Variants in TBC1D4 observed in about 807,000 individuals in gnomAD.
TBC1D4 encodes the protein TBC1 domain family member 4.
A neutral mutation model predicts 142.5 loss-of-function variants in TBC1D4; 121 were observed. The ratio of observed to expected loss-of-function variants is 0.85; its 90% CI spans 0.73 to 0.99. The LOEUF is 0.99. TBC1D4 is among the 50% of genes least tolerant of loss of function. The pLI, the probability that TBC1D4 is intolerant of heterozygous loss-of-function variation, is 0.00. For missense variants in TBC1D4, 1,475 were observed against 1,606.6 expected (o/e 0.92, Z 1.40); for synonymous variants, 630 against 628.2 (o/e 1.00, Z -0.04).
chr13:75,298,648 G>T (rs1246058105), intron 17 of TBC1D4, among the ~76,000 whole-genome samples: 1 of 152,190 alleles, frequency 6.6e-6, no homozygotes, highest in Admixed American at 6.5e-5. Flanking sequence ...AGCTACTGGG[G>T]AGGCTGAGGC....
At chr13:75,415,403 T>C (rs527775546) in intron 1 of TBC1D4, among the ~76,000 whole-genome samples, 8 of 152,190 alleles carry the variant, frequency 5.3e-5, no homozygotes, top group African/African-American at 1.9e-4. Flanking sequence ...GATGAGTAAG[T>C]CGAATACAAA....
chr13:75,290,025 G>T (rs1377746608), intron 19 of TBC1D4, among the ~76,000 whole-genome samples: 2 of 152,044 alleles, frequency 1.3e-5, no homozygotes, highest in Non-Finnish European at 2.9e-5. Context: ...CTTACTTAGT[G>T]GGTATGGATA....
At chr13:75,445,248 A>G (rs1385890619) in intron 1 of TBC1D4, among the ~76,000 whole-genome samples, 1 of 152,248 alleles carries the variant, frequency 6.6e-6, no homozygotes, top group Non-Finnish European at 1.5e-5. Context: ...TATACTGTAC[A>G]TCACTCTATT....
chr13:75,288,767 T>C (rs1422161845), intron 20 of TBC1D4, among the ~76,000 whole-genome samples, 167 bp downstream of exon 20: 1 of 152,326 alleles, frequency 6.6e-6, no homozygotes, highest in East Asian at 1.9e-4. Context: ...CAAGTAATGT[T>C]TAATTTAACA....
intron 10 of TBC1D4, among the ~76,000 whole-genome samples, chr13:75,325,904 C>CGT (rs1566380736): frequency 1.3e-5 from 2 of 152,122 alleles, no homozygotes; most frequent in African/African-American, 4.8e-5. Context: ...CACTGCGTAA[C>CGT]GTGTTATCAG....
intron 1 of TBC1D4, among the ~76,000 whole-genome samples, chr13:75,444,405 G>C (rs1414417308): frequency 6.6e-6 from 1 of 152,168 alleles, no homozygotes; most frequent in Non-Finnish European, 1.5e-5. Context: ...GGGACTACAG[G>C]CTTGAGCCAC....
intron 1 of TBC1D4, among the ~76,000 whole-genome samples, chr13:75,390,841 AGGAAGGGAGG>A (rs1884433544): frequency 2.6e-5 from 2 of 77,406 alleles, no homozygotes; most frequent in African/African-American, 5.3e-5. Context: ...TAGATAAGGA[AGGAAGGGAGG>A]GGAGGGGAGG....
intron 1 of TBC1D4, among the ~76,000 whole-genome samples, chr13:75,457,755 A>G (rs564743230): frequency 6.6e-6 from 1 of 152,304 alleles, no homozygotes; most frequent in East Asian, 1.9e-4. Context: ...TTTAGTTTCT[A>G]TAAGTCTGTG....
chr13:75,326,830 C>A (rs1879307410), intron 9 of TBC1D4, among the ~76,000 whole-genome samples: 3 of 152,192 alleles, frequency 2.0e-5, no homozygotes, highest in Admixed American at 6.5e-5. Context: ...AGGGTGGAGT[C>A]TGTGTTTCCG....
intron 1 of TBC1D4, among the ~76,000 whole-genome samples, chr13:75,393,295 C>T (rs1201521513): frequency 6.6e-6 from 1 of 152,146 alleles, no homozygotes; most frequent in East Asian, 1.9e-4. Flanking sequence ...CACCCCCATT[C>T]TCCCAGGCTG....
chr13:75,458,739 A>T (rs963475766), intron 1 of TBC1D4, among the ~76,000 whole-genome samples: 4 of 152,152 alleles, frequency 2.6e-5, no homozygotes, highest in Non-Finnish European at 5.9e-5. Flanking sequence ...GTTTTTTTTA[A>T]ATCTCATGCT....
chr13:75,345,424 G>C (rs1473035652), intron 5 of TBC1D4, among the ~76,000 whole-genome samples: 1 of 152,000 alleles, frequency 6.6e-6, no homozygotes, highest in Non-Finnish European at 1.5e-5. Flanking sequence ...TGTGATCCAG[G>C]GACTTAGGAA....
chr13:75,440,659 TC>T lies in TBC1D4; in HGVS notation c.498+40610del, dbSNP rs760339475. Among the ~76,000 whole-genome samples, 217 of 151,550 alleles carry T rather than the reference TC, an allele frequency of 1.4e-3. 1 individual carries two copies. The highest frequency in any genetic ancestry group is 2.0e-3 in the Non-Finnish European group (134 of 67,904). ...ACCTTGAGCTCCTAGGCTCAAGGGA[TC>T]CCCCCAGCTTAGCCCCCTGAGTAGA... On this transcript the variant is annotated intron_variant, in intron 1 of 20. Coordinates refer to ENST00000377636, the MANE Select transcript of TBC1D4 (RefSeq NM_014832.5).
intron 1 of TBC1D4, among the ~76,000 whole-genome samples, chr13:75,381,413 G>A (rs776793392): frequency 6.6e-6 from 1 of 152,078 alleles, no homozygotes; most frequent in East Asian, 1.9e-4. Context: ...AAATTGTAAG[G>A]GGTAATATAT....
chr13:75,464,831 T>C (rs572509899), intron 1 of TBC1D4, among the ~76,000 whole-genome samples: 27 of 152,324 alleles, frequency 1.8e-4, no homozygotes, highest in Middle Eastern at 3.4e-3. Flanking sequence ...GAAGGAGAAA[T>C]GACTGAATAA....
chr13:75,304,607 C>G (rs907562335), intron 15 of TBC1D4, among the ~76,000 whole-genome samples: 12 of 151,992 alleles, frequency 7.9e-5, no homozygotes, highest in Admixed American at 3.3e-4. Flanking sequence ...AGGGGTGGTG[C>G]TCTGAGGAAA....
intron 1 of TBC1D4, among the ~76,000 whole-genome samples, chr13:75,364,365 T>G (rs1438508831): frequency 1.3e-5 from 2 of 152,242 alleles, no homozygotes; most frequent in African/African-American, 2.4e-5. Context: ...GAGGGGCTGT[T>G]GTAATTATTT....
intron 1 of TBC1D4, among the ~76,000 whole-genome samples, chr13:75,445,523 C>T (rs1312243115): frequency 6.6e-6 from 1 of 152,148 alleles, no homozygotes; most frequent in African/African-American, 2.4e-5. Context: ...ATGCAAAATC[C>T]TTTCTAAACT....
chr13:75,424,791 G>A (rs78825082), intron 1 of TBC1D4, among the ~76,000 whole-genome samples: 6,558 of 152,210 alleles, frequency 0.043, 171 homozygotes, highest in Non-Finnish European at 0.048. Context: ...AAATGGTGCC[G>A]AGAAAACTGG....
Sources: allele counts gnomAD v4.1 joint callset (sites outside exome capture counted in the v4.1 genomes callset), GRCh38; gene constraint gnomAD v4.1.1; transcripts MANE v1.5; gene names NCBI Gene and HGNC (gene_info 2026-07-23, HGNC 2026-07-21).